The following AFF2 variants were observed in gnomAD, a reference collection of about 807,000 sequenced individuals.
AFF2 encodes ALF transcription elongation factor 2.
In AFF2, 14 loss-of-function variants were observed where a neutral mutation model predicts 76.9. The ratio of observed to expected loss-of-function variants is 0.18; its 90% CI spans 0.12 to 0.28. AFF2 has a LOEUF of 0.28. Ranked by LOEUF, AFF2 falls within the 10% of genes least tolerant of loss-of-function variation. The pLI is 1.00. For missense variants in AFF2, 868 were observed against 1,001.1 expected (o/e 0.87, Z 1.79); for synonymous variants, 398 against 366.7 (o/e 1.09, Z -0.98).
chrX:148,990,298 C>A (rs782112026), intron 20 of AFF2, among the ~76,000 whole-genome samples: 7 of 111,742 alleles, frequency 6.3e-5, no homozygotes, highest in African/African-American at 2.3e-4. Flanking sequence ...GAGCATCCCA[C>A]GTTAGGGCAG....
chrX:148,713,110 A>C (rs183653241), intron 3 of AFF2, among the ~76,000 whole-genome samples: 1 of 111,205 alleles, frequency 9.0e-6, no homozygotes, highest in East Asian at 2.9e-4. Flanking sequence ...CAGCAAGTGC[A>C]AAGGATGTCT....
intron 3 of AFF2, among the ~76,000 whole-genome samples, chrX:148,700,572 C>G (rs782667411): frequency 6.4e-5 from 7 of 109,968 alleles, no homozygotes; most frequent in Non-Finnish European, 1.3e-4. Flanking sequence ...CTGATATGTT[C>G]TTTCCAATAA....
intron 9 of AFF2, among the ~76,000 whole-genome samples, chrX:148,908,157 A>T (rs187225712): frequency 0.018 from 1,975 of 111,253 alleles, 19 homozygotes; most frequent in Admixed American, 0.043. Flanking sequence ...TTGTTCAAAC[A>T]CACATGCTCT....
chrX:148,836,393 G>GT (rs1487355665), intron 4 of AFF2, among the ~76,000 whole-genome samples: 1 of 111,406 alleles, frequency 9.0e-6, no homozygotes, highest in Non-Finnish European at 1.9e-5. Context: ...TTTGAACTGA[G>GT]TAATTATAGA....
intron 4 of AFF2, among the ~76,000 whole-genome samples, chrX:148,828,179 T>C (rs1422568792): frequency 8.9e-6 from 1 of 112,297 alleles, no homozygotes; most frequent in Non-Finnish European, 1.9e-5. Flanking sequence ...AAAATCACTT[T>C]TGAAAAGAGT....
intron 3 of AFF2, among the ~76,000 whole-genome samples, chrX:148,677,520 T>C (rs994203292): frequency 8.9e-6 from 1 of 112,475 alleles, no homozygotes; most frequent in Non-Finnish European, 1.9e-5. Flanking sequence ...TGCTGAATAT[T>C]TTCTTAGAAA....
intron 5 of AFF2, 28 bp from the exon 6 acceptor site, chrX:148,842,938 T>A: frequency 8.7e-7 from 1 of 1,145,114 alleles, no homozygotes; most frequent in East Asian, 3.0e-5. Flanking sequence ...TTAACTAATG[T>A]TTGTGTCATA....
intron 8 of AFF2, among the ~76,000 whole-genome samples, chrX:148,892,232 C>G (rs782235384): frequency 5.4e-5 from 6 of 111,882 alleles, no homozygotes; most frequent in Non-Finnish European, 7.5e-5. Flanking sequence ...GATGTATGGA[C>G]TTTCCAACTA....
At chrX:148,965,250 G>A (rs181087179) in intron 13 of AFF2, among the ~76,000 whole-genome samples, 2 of 111,964 alleles carry the variant, frequency 1.8e-5, no homozygotes, top group African/African-American at 6.5e-5. Context: ...AGGGAGAAAG[G>A]GACAAATTCG....
chrX:148,827,367 T>C (rs2070400895), intron 4 of AFF2, among the ~76,000 whole-genome samples: 2 of 112,315 alleles, frequency 1.8e-5, no homozygotes, highest in African/African-American at 3.2e-5. Flanking sequence ...ACAAGAAAGC[T>C]ATCATGTTTG....
At chrX:148,817,605 A>G (rs782355607) in intron 4 of AFF2, among the ~76,000 whole-genome samples, 1 of 112,415 alleles carries the variant, frequency 8.9e-6, no homozygotes, top group South Asian at 3.6e-4. Context: ...TTTGCAAAGT[A>G]CTTTTTAGAA....
chrX:148,980,564 A>G (rs1232359088), intron 18 of AFF2, among the ~76,000 whole-genome samples, 174 bp from the exon 19 acceptor site: 1 of 111,332 alleles, frequency 9.0e-6, no homozygotes, highest in African/African-American at 3.3e-5. Flanking sequence ...CTAACCAGCT[A>G]TTTTCATCGA....
intron 9 of AFF2, among the ~76,000 whole-genome samples, chrX:148,949,295 G>A (rs935187899): frequency 2.7e-5 from 3 of 111,391 alleles, no homozygotes; most frequent in Non-Finnish European, 5.6e-5. Flanking sequence ...AGTCTAGGGT[G>A]CCCAGACTAT....
At position 148,672,194 on chromosome X, in the gene AFF2, A is replaced by G. The variant is rs141125356; in HGVS notation, c.1041+9426A>G. ...AAGTCTGTTTGGTATTTTCTATTTGACATGAAAGAAAATAATCTCTAATTA... is the reference window on the plus strand; with the variant it reads ...AAGTCTGTTTGGTATTTTCTATTTGGCATGAAAGAAAATAATCTCTAATTA... On this transcript the variant is annotated intron_variant, in intron 3 of 20. Coordinates refer to ENST00000370460, the MANE Select transcript of AFF2 (RefSeq NM_002025.4). Among the ~76,000 whole-genome samples, 199 of 112,464 alleles carry G rather than the reference A, an allele frequency of 1.8e-3. 2 individuals carry two copies. The highest frequency in any genetic ancestry group is 6.0e-3 in the African/African-American group (187 of 30,967).
At chrX:148,619,267 G>A (rs781868050) in intron 1 of AFF2, among the ~76,000 whole-genome samples, 1 of 111,286 alleles carries the variant, frequency 9.0e-6, no homozygotes, top group Non-Finnish European at 1.9e-5. Context: ...GATAGCTCAG[G>A]TGCTAATGTC....
chrX:148,871,086 G>T lies in AFF2; in HGVS notation c.1263-14803G>T, dbSNP rs189406473. On this transcript the variant is annotated intron_variant, in intron 7 of 20. Coordinates refer to ENST00000370460, the MANE Select transcript of AFF2 (RefSeq NM_002025.4). Reference sequence around the variant, plus strand: ...TGTGGTTGTGGGGAGCGGGTGGGGGGCAGTGATGATGCCCTCTGCATGAGA... The same window carrying T: ...TGTGGTTGTGGGGAGCGGGTGGGGGTCAGTGATGATGCCCTCTGCATGAGA... Among the ~76,000 whole-genome samples the T allele has an allele frequency of 9.0e-5, 10 of 111,390 alleles. No homozygotes were observed. The Admixed American group carries it at 9.5e-4, about 11-fold the overall frequency.
chrX:148,787,196 A>G (rs1357169779), intron 3 of AFF2, among the ~76,000 whole-genome samples: 2 of 110,930 alleles, frequency 1.8e-5, no homozygotes, highest in Non-Finnish European at 3.8e-5. Flanking sequence ...ATTTCCTTTC[A>G]TGGTTTTTTA....
intron 1 of AFF2, among the ~76,000 whole-genome samples, chrX:148,643,391 C>T (rs1557254981): frequency 1.8e-5 from 2 of 111,814 alleles, no homozygotes; most frequent in Non-Finnish European, 1.9e-5. Context: ...TTATAAGCTT[C>T]CAAGTCATTC....
In AFF2 at chrX:148,956,368, G is replaced by A. The variant is rs1246289503; in HGVS notation, c.2323G>A (p.Glu775Lys). ...CAACAACTTATCCATCAGTAATGAA[G>A]AGCCAACATTTTCACCTATTCCTGT... ...SNNNLSISNE[E>K]PTFSPIPVMQ... The change falls in exon 11 of 21, where the codon GAG (glutamate) becomes AAG (lysine). Residue 775 changes from glutamate (E) to lysine (K), a missense_variant. Around this residue, in one of 6 missense-constraint regions of AFF2, gnomAD observed 532 missense variants for 564.2 expected, o/e 0.94. Coordinates refer to ENST00000370460, the MANE Select transcript of AFF2 (RefSeq NM_002025.4). The A allele has an allele frequency of 5.0e-6, 6 of 1,211,699 alleles. No individual in the cohort carries two copies. The highest frequency in any genetic ancestry group is 3.0e-5 in the East Asian group (1 of 33,838).
Sources: gnomAD v4.1 joint callset for allele counts (sites outside exome capture counted in the v4.1 genomes callset) on GRCh38, gnomAD v4.1.1 for gene constraint, gnomAD v4.1.1 regional missense constraint, MANE v1.5 for transcripts, NCBI Gene and HGNC (gene_info 2026-07-23, HGNC 2026-07-21) for gene names.